The following KCNK10 variants were observed in gnomAD, a reference collection of about 807,000 sequenced individuals.
KCNK10 encodes potassium two pore domain channel subfamily K member 10.
KCNK10 carries 25 observed loss-of-function variants against 47.7 expected under a neutral mutation model. That is an observed-to-expected ratio of 0.52 (90% confidence interval 0.38 to 0.73). KCNK10 has a LOEUF of 0.73. KCNK10 is among the 30% of genes least tolerant of loss of function. The probability of loss-of-function intolerance (pLI) is 0.00; values close to 1 mark genes in which losing one functional copy is unlikely to be tolerated. For missense variants in KCNK10, 563 were observed against 714.5 expected, an observed-to-expected ratio of 0.79 and a Z score of 2.42; for synonymous variants, 303 against 285.6, an observed-to-expected ratio of 1.06 and a Z score of -0.61.
upstream of KCNK10, chr14:88,326,753 A>G (rs1012416665): frequency 1.0e-5 from 4 of 396,870 alleles, no homozygotes; most frequent in Non-Finnish European, 1.8e-5. Context: ...CCACCACTTT[A>G]ATGAATGCCG....
chr14:88,263,277 G>A lies in KCNK10; in HGVS notation c.327C>T (p.Thr109=). ...EQPFESSQKN[T]IALEKAEFLR... ...GGAATTCCGCCTTCTCCAAGGCGAT[G>A]GTATTCTTCTGGCTGCTCTCAAAGG... The change falls in exon 2 of 7, where the codon ACC becomes ACT. Residue 109 remains threonine (T), a synonymous_variant. Coordinates refer to ENST00000319231, the MANE Select transcript of KCNK10 (RefSeq NM_138317.3). 1 of 1,614,180 alleles carries A rather than the reference G, an allele frequency of 6.2e-7. No homozygotes were observed. Among genetic ancestry groups the A allele is most frequent in the Non-Finnish European group, 8.5e-7 (1 of 1,180,050 alleles).
chr14:88,303,545 C>T (rs764264724), intron 1 of KCNK10, among the ~76,000 whole-genome samples: 17 of 151,876 alleles, frequency 1.1e-4, no homozygotes, highest in Non-Finnish European at 2.1e-4. Context: ...GGGGATGACA[C>T]GGAAGCCCAT....
intron 4 of KCNK10, among the ~76,000 whole-genome samples, chr14:88,213,803 A>G (rs1361241920): frequency 6.6e-6 from 1 of 152,028 alleles, no homozygotes; most frequent in Non-Finnish European, 1.5e-5. Flanking sequence ...CTTAAAAGGA[A>G]GAGATATTTA....
chr14:88,250,884 A>G (rs553894514), intron 2 of KCNK10, among the ~76,000 whole-genome samples: 107 of 152,250 alleles, frequency 7.0e-4, no homozygotes, highest in Non-Finnish European at 5.1e-4. Flanking sequence ...AACAGAAACA[A>G]AAGAATTTTT....
intron 4 of KCNK10, among the ~76,000 whole-genome samples, chr14:88,196,797 G>A (rs1004592496): frequency 6.6e-6 from 1 of 152,222 alleles, no homozygotes; most frequent in African/African-American, 2.4e-5. Context: ...AAAATGGAAA[G>A]ATGATGGGAA....
At chr14:88,267,984 G>A (rs1316717001) in intron 1 of KCNK10, among the ~76,000 whole-genome samples, 1 of 152,154 alleles carries the variant, frequency 6.6e-6, no homozygotes, top group Non-Finnish European at 1.5e-5. Flanking sequence ...AGTCCAGGTA[G>A]GACCCCCAGA....
At chr14:88,255,637 G>A (rs781326372) in intron 2 of KCNK10, among the ~76,000 whole-genome samples, 1 of 152,136 alleles carries the variant, frequency 6.6e-6, no homozygotes, top group Non-Finnish European at 1.5e-5. Context: ...GAGGACTTCA[G>A]TAACTTGCTG....
chr14:88,236,819 T>C (rs945902844), intron 3 of KCNK10, among the ~76,000 whole-genome samples: 1 of 152,218 alleles, frequency 6.6e-6, no homozygotes, highest in Non-Finnish European at 1.5e-5. Flanking sequence ...CCAAAAATTC[T>C]AATAATAATC....
intron 4 of KCNK10, among the ~76,000 whole-genome samples, chr14:88,213,921 T>TTTTTTATTATTA (rs1885535625): frequency 7.9e-6 from 1 of 126,410 alleles, no homozygotes; most frequent in Admixed American, 7.8e-5. Context: ...TTTATTTTAC[T>TTTTTTATTATTA]TTATTATTAT....
chr14:88,287,470 C>A (rs1398185283), intron 1 of KCNK10, among the ~76,000 whole-genome samples: 1 of 152,118 alleles, frequency 6.6e-6, no homozygotes, highest in African/African-American at 2.4e-5. Context: ...CCCTCACTGC[C>A]CCCACCCTTT....
chr14:88,269,237 TAATA>T (rs2139760888), intron 1 of KCNK10, among the ~76,000 whole-genome samples: 1 of 152,356 alleles, frequency 6.6e-6, no homozygotes, highest in South Asian at 2.1e-4. Context: ...AACAAGCTCT[TAATA>T]AGTTGACATT....
intron 1 of KCNK10, among the ~76,000 whole-genome samples, chr14:88,286,210 C>T (rs1420459446): frequency 6.6e-6 from 1 of 152,158 alleles, no homozygotes; most frequent in Non-Finnish European, 1.5e-5. Context: ...GTAGATTTCC[C>T]AGGTGAGGCT....
At chr14:88,219,404 T>C (rs1398732426) in intron 4 of KCNK10, among the ~76,000 whole-genome samples, 3 of 152,224 alleles carry the variant, frequency 2.0e-5, no homozygotes, top group African/African-American at 7.2e-5. Flanking sequence ...CAAGCAGCGC[T>C]CAGCTGTTTC....
chr14:88,286,373 T>C (rs1437464777), intron 1 of KCNK10, among the ~76,000 whole-genome samples: 1 of 152,178 alleles, frequency 6.6e-6, no homozygotes, highest in Non-Finnish European at 1.5e-5. Flanking sequence ...TCCCAACTTA[T>C]TGCTGCATCT....
At chr14:88,295,452 G>A (rs913126803) in intron 1 of KCNK10, among the ~76,000 whole-genome samples, 1 of 152,128 alleles carries the variant, frequency 6.6e-6, no homozygotes, top group Non-Finnish European at 1.5e-5. Flanking sequence ...CTGAGGTCAG[G>A]AGTTTGAGAC....
chr14:88,278,635 C>A (rs1000720506), intron 1 of KCNK10, among the ~76,000 whole-genome samples: 3 of 152,186 alleles, frequency 2.0e-5, no homozygotes, highest in Non-Finnish European at 4.4e-5. Flanking sequence ...ATAGTTCAAT[C>A]TAACCTTTGA....
chr14:88,212,834 C>G (rs1280592772), intron 4 of KCNK10, among the ~76,000 whole-genome samples: 6 of 152,240 alleles, frequency 3.9e-5, no homozygotes, highest in Non-Finnish European at 5.9e-5. Context: ...AAGTGCACTT[C>G]TAACAGGAAT....
At chr14:88,203,132 G>T (rs1011190955) in intron 4 of KCNK10, among the ~76,000 whole-genome samples, 3 of 152,160 alleles carry the variant, frequency 2.0e-5, no homozygotes, top group African/African-American at 7.2e-5. Flanking sequence ...ATGTTGGTAT[G>T]CCCCACTCCA....
intron 2 of KCNK10, among the ~76,000 whole-genome samples, chr14:88,251,433 T>C (rs1296717001): frequency 2.0e-5 from 3 of 151,570 alleles, no homozygotes; most frequent in East Asian, 2.0e-4. Context: ...GTCTAGCAAA[T>C]GGGGGGCAAA....
Sources: gnomAD v4.1 joint callset for allele counts (sites outside exome capture counted in the v4.1 genomes callset) on GRCh38, gnomAD v4.1.1 for gene constraint, MANE v1.5 for transcripts, NCBI Gene and HGNC (gene_info 2026-07-23, HGNC 2026-07-21) for gene names.